Variants in WIPF3 observed in about 807,000 individuals in gnomAD.
WIPF3 encodes WAS/WASL interacting protein family member 3.
WIPF3 carries 33 observed loss-of-function variants against 38.9 expected under a neutral mutation model. The observed-to-expected ratio is 0.85, with a 90% CI of 0.64 to 1.14. WIPF3 has a LOEUF of 1.14. Among genes scored for constraint, WIPF3 ranks in the 50% most tolerant of loss-of-function variants. WIPF3 has a pLI of 0.00. For missense variants in WIPF3, 711 were observed against 652.5 expected (o/e 1.09, Z -0.98); for synonymous variants, 324 against 269.3 (o/e 1.20, Z -1.99).
In WIPF3 at chr7:29,904,338, T is replaced by C; in HGVS notation, c.1404T>C (p.Asp468=). The change falls in exon 8 of 9, where the codon GAT becomes GAC. Residue 468 remains aspartate, a synonymous_variant. Coordinates refer to ENST00000242140, the MANE Select transcript of WIPF3 (RefSeq NM_001080529.3). ...LQAEAVGQSS[D]DIKGRNSQLS... is the part of the protein sequence containing the mutation. ...CGGAAGCAGTCGGGCAGAGCTCTGA[T>C]GACATCAAAGGCAGAAATTCTCAGG... The C allele has an allele frequency of 1.2e-6, 2 of 1,613,968 alleles. No homozygotes were observed. Among genetic ancestry groups the C allele is most frequent in the Non-Finnish European group, 1.7e-6 (2 of 1,179,848 alleles).
rs780671399 is a variant in WIPF3 at position 29,904,373 on chromosome 7, C to G, written c.1428+11C>G. 2.5e-5 allele frequency: 41 copies of G among 1,612,976 alleles called. No homozygotes were observed. The highest frequency in any genetic ancestry group is 2.5e-5 in the Non-Finnish European group (30 of 1,179,116). Reference sequence around the variant, plus strand: ...GGCAGAAATTCTCAGGTAACACAAGCCTCATGTCTCTGAATGTAAAACCAG... The same window carrying G: ...GGCAGAAATTCTCAGGTAACACAAGGCTCATGTCTCTGAATGTAAAACCAG... On this transcript the variant is annotated intron_variant, in intron 8 of 8. Transcript: ENST00000242140.
intron 2 of WIPF3, among the ~76,000 whole-genome samples, chr7:29,866,154 G>T (rs1226046146): frequency 6.6e-6 from 1 of 151,682 alleles, no homozygotes; most frequent in African/African-American, 2.4e-5. Flanking sequence ...GCAAGACTCT[G>T]TCTCAAAAAA....
intron 1 of WIPF3, among the ~76,000 whole-genome samples, chr7:29,819,068 T>C (rs1784499035): frequency 6.6e-6 from 1 of 152,184 alleles, no homozygotes; most frequent in Non-Finnish European, 1.5e-5. Context: ...TTTTCTTTTT[T>C]TATTTGTTCT....
chr7:29,855,570 T>G (rs1477869767), intron 2 of WIPF3, among the ~76,000 whole-genome samples: 1 of 152,238 alleles, frequency 6.6e-6, no homozygotes, highest in East Asian at 1.9e-4. Context: ...ATGCAGCAGC[T>G]GTTGGCTCCC....
chr7:29,830,066 T>C (rs1299898511), intron 1 of WIPF3, among the ~76,000 whole-genome samples: 1 of 151,396 alleles, frequency 6.6e-6, no homozygotes. Context: ...TTTTAACAAA[T>C]ACTTCTTTAG....
At chr7:29,855,014 T>C (rs1398437406) in intron 2 of WIPF3, among the ~76,000 whole-genome samples, 3 of 152,204 alleles carry the variant, frequency 2.0e-5, no homozygotes, top group African/African-American at 4.8e-5. Context: ...TTGTACTTTG[T>C]TGTCAGCCCT....
chr7:29,914,435 CT>C, intron 8 of WIPF3, 57 bp from the exon 9 acceptor site: 1 of 1,375,162 alleles, frequency 7.3e-7, no homozygotes. Context: ...AGGAGGAAGG[CT>C]TTCATGTGCA....
At chr7:29,899,450 A>G (rs1786226981) in intron 7 of WIPF3, among the ~76,000 whole-genome samples, 1 of 152,238 alleles carries the variant, frequency 6.6e-6, no homozygotes, top group Non-Finnish European at 1.5e-5. Flanking sequence ...AGTACAGTGT[A>G]AGGCCCTGAA....
At chr7:29,818,188 A>G (rs865844665) in intron 1 of WIPF3, among the ~76,000 whole-genome samples, 5 of 152,172 alleles carry the variant, frequency 3.3e-5, no homozygotes, top group Admixed American at 2.0e-4. Flanking sequence ...ACAGTGGCTC[A>G]AGCCTGTAAT....
chr7:29,884,729 A>C, intron 5 of WIPF3, 136 bp downstream of exon 5: 17 of 1,287,096 alleles, frequency 1.3e-5, no homozygotes, highest in Non-Finnish European at 1.5e-5. Context: ...CTTGCCCAAA[A>C]TCATGCTGCA....
At chr7:29,910,718 T>C (rs1025830328) in intron 8 of WIPF3, among the ~76,000 whole-genome samples, 8 of 152,160 alleles carry the variant, frequency 5.3e-5, no homozygotes, top group African/African-American at 1.4e-4. Context: ...ATTGAACACC[T>C]TTTCATGATA....
rs543602296 is a variant in WIPF3 at position 29,840,733 on chromosome 7, G to C, written c.90+5919G>C. 6.5e-4 allele frequency among the ~76,000 whole-genome samples: 99 copies of C among 152,282 alleles called. 3 individuals are homozygous for C. In the South Asian group the frequency reaches 0.019, roughly 30 times the overall value. ...ACAGGTGGATAGGATTTTGCAGTAGGGGAGAGAGATTGGGCTCAACTCCAA... is the reference window on the plus strand; with the variant it reads ...ACAGGTGGATAGGATTTTGCAGTAGCGGAGAGAGATTGGGCTCAACTCCAA... On this transcript the variant is annotated intron_variant, in intron 2 of 8. Coordinates refer to ENST00000242140, the MANE Select transcript of WIPF3 (RefSeq NM_001080529.3).
intron 2 of WIPF3, among the ~76,000 whole-genome samples, chr7:29,848,946 G>GT (rs1270175430): frequency 3.9e-5 from 6 of 152,098 alleles, no homozygotes; most frequent in Non-Finnish European, 8.8e-5. Context: ...CTCACATTTA[G>GT]TGCAAAATAT....
At chr7:29,824,512 C>T (rs1583591884) in intron 1 of WIPF3, among the ~76,000 whole-genome samples, 1 of 149,282 alleles carries the variant, frequency 6.7e-6, no homozygotes, top group Non-Finnish European at 1.5e-5. Flanking sequence ...CCCTGACCTG[C>T]AGCCTGAATA....
intron 7 of WIPF3, among the ~76,000 whole-genome samples, chr7:29,889,812 C>T (rs76827860): frequency 0.023 from 3,535 of 152,286 alleles, 69 homozygotes; most frequent in East Asian, 0.058. Context: ...AGAATGTCCT[C>T]AGGTCAATGG....
At chr7:29,884,733 T>G in intron 5 of WIPF3, 140 bp downstream of exon 5, 1 of 1,306,466 alleles carries the variant, frequency 7.7e-7, no homozygotes, top group Non-Finnish European at 1.0e-6. Flanking sequence ...CCCAAAATCA[T>G]GCTGCATGTA....
intron 2 of WIPF3, among the ~76,000 whole-genome samples, chr7:29,848,103 T>C (rs1266305875): frequency 6.6e-6 from 1 of 152,188 alleles, no homozygotes; most frequent in Non-Finnish European, 1.5e-5. Context: ...TTGTCTTCTC[T>C]CCTCTTTTGC....
intron 2 of WIPF3, among the ~76,000 whole-genome samples, chr7:29,837,867 T>C (rs1300143554): frequency 6.6e-6 from 1 of 152,216 alleles, no homozygotes; most frequent in African/African-American, 2.4e-5. Flanking sequence ...TGAGAAACCA[T>C]TTTTATCTAT....
rs1786571437 is a variant in WIPF3, at chr7:29,914,644, A to G, written c.*128A>G. 4 of 586,952 alleles carry G rather than the reference A, an allele frequency of 6.8e-6. No individual in the cohort carries two copies. The East Asian group carries it at 1.4e-4, about 20-fold the overall frequency. 36.4% of individuals were successfully genotyped at this position (586,952 alleles called of 1,614,324 possible). On this transcript the variant is annotated 3_prime_UTR_variant, in exon 9 of 9. Transcript: ENST00000242140. ...TGGAATTGAGAATTTATTTATTGTA[A>G]ATATGTGATTTGCACGGGCTTTAAA...
Sources: allele counts gnomAD v4.1 joint callset (sites outside exome capture counted in the v4.1 genomes callset), GRCh38; gene constraint gnomAD v4.1.1; transcripts MANE v1.5; gene names NCBI Gene and HGNC (gene_info 2026-07-23, HGNC 2026-07-21).